MAP3K21: variants seen among roughly 807,000 people sequenced by gnomAD.
MAP3K21 encodes the protein mitogen-activated protein kinase kinase kinase MLK4.
MAP3K21 carries 63 observed loss-of-function variants against 86.1 expected under a neutral mutation model. The observed-to-expected ratio is 0.73, with a 90% CI of 0.60 to 0.90. The LOEUF (loss-of-function observed/expected upper bound fraction) is 0.90, where lower values mean the gene tolerates loss of function less well. Among genes scored for constraint, MAP3K21 ranks in the 40% least tolerant of loss-of-function variants. The probability of loss-of-function intolerance (pLI) is 0.00; values close to 1 mark genes in which losing one functional copy is unlikely to be tolerated. For synonymous variants in MAP3K21, 558 were observed against 564.8 expected, an observed-to-expected ratio of 0.99 and a Z score of 0.17; for missense variants, 1,220 against 1,367.7, an observed-to-expected ratio of 0.89 and a Z score of 1.70.
At chr1:233,371,335 G>A (rs908335956) in intron 5 of MAP3K21, among the ~76,000 whole-genome samples, 6 of 152,080 alleles carry the variant, frequency 3.9e-5, no homozygotes, top group Non-Finnish European at 7.4e-5. Flanking sequence ...TTAAATCCAG[G>A]GCCATTTCAA....
At chr1:233,337,342 G>T (rs543330233) in intron 1 of MAP3K21, among the ~76,000 whole-genome samples, 2 of 152,328 alleles carry the variant, frequency 1.3e-5, no homozygotes, top group East Asian at 1.9e-4. Flanking sequence ...ATATGTCAAA[G>T]AATTTAGTAA....
intron 4 of MAP3K21, among the ~76,000 whole-genome samples, chr1:233,358,781 C>A (rs1351952259): frequency 6.0e-5 from 9 of 150,740 alleles, no homozygotes; most frequent in Admixed American, 3.3e-4. Context: ...GGCGACAGAG[C>A]AAGACCCTGT....
At position 233,372,029 on chromosome 1, in the gene MAP3K21, C is replaced by T. The variant is rs1572255526; in HGVS notation, c.1553-9C>T. 1.9e-6 allele frequency: 3 copies of T among 1,601,842 alleles called. No individual in the cohort carries two copies. The highest frequency in any genetic ancestry group is 2.7e-5 in the African/African-American group (2 of 73,888). On this transcript the variant is annotated splice_polypyrimidine_tract_variant and intron_variant, in intron 5 of 9. Coordinates refer to ENST00000366624, the MANE Select transcript of MAP3K21 (RefSeq NM_032435.3). ...TGAAATACCAGTTCTCCCTTTTTGCCTCCAACAGATTTCCAGCACAAGATA... is the reference window on the plus strand; with the variant it reads ...TGAAATACCAGTTCTCCCTTTTTGCTTCCAACAGATTTCCAGCACAAGATA...
At chr1:233,339,316 C>T (rs1214106259) in intron 1 of MAP3K21, among the ~76,000 whole-genome samples, 945 of 81,348 alleles carry the variant, frequency 0.012, 158 homozygotes, top group East Asian at 0.024. Flanking sequence ...CTTCTTCTTC[C>T]TCTTCTTCTT....
rs146135091 is a variant in MAP3K21, at chr1:233,362,605, C to G, written c.1552+312C>G. Among the ~76,000 whole-genome samples the G allele has an allele frequency of 3.2e-4, 48 of 151,986 alleles. No individual in the cohort carries two copies. The East Asian group carries it at 9.3e-3, about 29-fold the overall frequency. On this transcript the variant is annotated intron_variant, in intron 5 of 9. Coordinates refer to ENST00000366624, the MANE Select transcript of MAP3K21 (RefSeq NM_032435.3). Reference sequence around the variant, plus strand: ...GAAGCAGAACCATTTTTTAGCTGAGCGTACTGAGCCAATGTCATGTGGCAT... The same window carrying G: ...GAAGCAGAACCATTTTTTAGCTGAGGGTACTGAGCCAATGTCATGTGGCAT...
At position 233,328,625 on chromosome 1, in the gene MAP3K21, G is replaced by T. The variant is rs780258104; in HGVS notation, c.597G>T (p.Val199=). The change falls in exon 1 of 10, where the codon GTG becomes GTT. Residue 199 remains valine (V), a synonymous_variant. Transcript: ENST00000366624. The surrounding 1 kb of genome is among the most constrained non-coding windows in gnomAD (Gnocchi z 8.7). Reference sequence around the variant, plus strand: ...TGCAGCAGCCGCACCTCTGCCTGGTGCTGGAGTTCGCCCGCGGCGGAGCGC... The same window carrying T: ...TGCAGCAGCCGCACCTCTGCCTGGTTCTGGAGTTCGCCCGCGGCGGAGCGC... ...VCLQQPHLCL[V]LEFARGGALN... 17 of 1,465,704 alleles carry T rather than the reference G, an allele frequency of 1.2e-5. No individual in the cohort carries two copies. The South Asian group carries it at 2.1e-4, about 18-fold the overall frequency. The allele number at this position is 1,465,704 out of a possible 1,614,324, so 90.8% of individuals were successfully genotyped here. A position where few individuals can be genotyped will look rare whatever the true frequency, so the allele number is the denominator to read the frequency against.
At chr1:233,358,934 C>G (rs1044279125) in intron 4 of MAP3K21, among the ~76,000 whole-genome samples, 4 of 152,060 alleles carry the variant, frequency 2.6e-5, no homozygotes, top group Admixed American at 2.6e-4. Context: ...CTCAGCCTCC[C>G]GAGTAGCTGG....
chr1:233,353,960 T>C lies in MAP3K21; in HGVS notation c.1135+5T>C, dbSNP rs949404201. 8.1e-7 allele frequency: 1 copy of C among 1,240,584 alleles called. No individual in the cohort carries two copies. The highest frequency in any genetic ancestry group is 1.1e-6 in the Non-Finnish European group (1 of 941,134). The allele number at this position is 1,240,584 out of a possible 1,614,324, so 76.8% of individuals were successfully genotyped here. On this transcript the variant is annotated splice_donor_5th_base_variant and intron_variant, in intron 3 of 9. Coordinates refer to ENST00000366624, the MANE Select transcript of MAP3K21 (RefSeq NM_032435.3). Reference sequence around the variant, plus strand: ...CGTTTGCCAAGCTCATGAAAGGTATTGTGTGTGTGTGTGTGTGTCTTTGTG... The same window carrying C: ...CGTTTGCCAAGCTCATGAAAGGTATCGTGTGTGTGTGTGTGTGTCTTTGTG...
chr1:233,361,051 T>C (rs903173178), intron 4 of MAP3K21, among the ~76,000 whole-genome samples: 3 of 152,252 alleles, frequency 2.0e-5, no homozygotes, highest in African/African-American at 7.2e-5. Context: ...GCTTGATTTC[T>C]TAGCAGAGTA....
chr1:233,363,650 C>T (rs1355311311), intron 5 of MAP3K21, among the ~76,000 whole-genome samples: 1 of 146,524 alleles, frequency 6.8e-6, no homozygotes, highest in African/African-American at 2.5e-5. Flanking sequence ...TGCAGTGACC[C>T]GAGATCACAC....
At chr1:233,346,781 A>C (rs1443118219) in intron 2 of MAP3K21, among the ~76,000 whole-genome samples, 159 bp downstream of exon 2, 3 of 152,236 alleles carry the variant, frequency 2.0e-5, no homozygotes, top group African/African-American at 7.2e-5. Flanking sequence ...AACGGAACAG[A>C]TAATTTGATG....
At chr1:233,337,796 AC>A (rs1662945654) in intron 1 of MAP3K21, among the ~76,000 whole-genome samples, 1 of 152,206 alleles carries the variant, frequency 6.6e-6, no homozygotes, top group Admixed American at 6.5e-5. Context: ...TTTCACTACC[AC>A]GGTTCATTAC....
In MAP3K21 at chr1:233,327,897, T is replaced by C. The variant is rs2102754202; in HGVS notation, c.-132T>C. On this transcript the variant is annotated 5_prime_UTR_variant, in exon 1 of 10. Transcript: ENST00000366624. ...GGCAGCTAGCCCGTGATCTCTGCCG[T>C]CACCGATCGCGATTCCTACCCCCTC... is the stretch of plus-strand genomic sequence containing the variant. 5 of 658,420 alleles carry C rather than the reference T, an allele frequency of 7.6e-6. No homozygotes were observed. Among genetic ancestry groups the C allele is most frequent in the African/African-American group, 5.7e-5 (3 of 52,488 alleles). 40.8% of individuals were successfully genotyped at this position (658,420 alleles called of 1,614,324 possible).
At chr1:233,331,916 C>A (rs1662813766) in intron 1 of MAP3K21, among the ~76,000 whole-genome samples, 1 of 152,154 alleles carries the variant, frequency 6.6e-6, no homozygotes, top group South Asian at 2.1e-4. Flanking sequence ...AAGCTTTAAG[C>A]AACATTTATG....
In MAP3K21 at chr1:233,328,691, G is replaced by A; in HGVS notation, c.663G>A (p.Pro221=). The part of the protein sequence containing the change: ...ALAAANAAPD[P]RAPGPRRARR... ...CCGCTGCCAACGCCGCCCCGGACCC[G>A]CGCGCGCCCGGCCCCCGCCGCGCGC... The change falls in exon 1 of 10, where the codon CCG becomes CCA. Residue 221 remains proline, a synonymous_variant. Transcript: ENST00000366624. This position sits in a 1 kb window ranked among gnomAD's most constrained non-coding sequence, Gnocchi z 8.7. 1 of 1,355,282 alleles carries A rather than the reference G, an allele frequency of 7.4e-7. No homozygotes were observed. Among genetic ancestry groups the A allele is most frequent in the Non-Finnish European group, 9.5e-7 (1 of 1,051,210 alleles). 84.0% of individuals were successfully genotyped at this position (1,355,282 alleles called of 1,614,324 possible).
chr1:233,364,897 G>A (rs1171699755), intron 5 of MAP3K21, among the ~76,000 whole-genome samples: 3 of 152,072 alleles, frequency 2.0e-5, no homozygotes, highest in South Asian at 2.1e-4. Context: ...CCACAAGATG[G>A]CACTACATTA....
intron 1 of MAP3K21, among the ~76,000 whole-genome samples, chr1:233,336,471 GTGGAGGT>G (rs1007911968): frequency 1.2e-4 from 18 of 151,902 alleles, no homozygotes; most frequent in Admixed American, 2.6e-4. Context: ...AATCAAGGAG[GTGGAGGT>G]TGTAGTGAGC....
chr1:233,353,797 T>A lies in MAP3K21; in HGVS notation c.987-10T>A. 1 of 1,565,170 alleles carries A rather than the reference T, an allele frequency of 6.4e-7. No homozygotes were observed. The highest frequency in any genetic ancestry group is 8.6e-7 in the Non-Finnish European group (1 of 1,158,960). The stretch of plus-strand genomic sequence containing the variant: ...TAGCCCATTGAGCATATGAAATCCT[T>A]GCTTTCTAGCTATGGAGTGCTGCTG... On this transcript the variant is annotated splice_polypyrimidine_tract_variant and intron_variant, in intron 2 of 9. Transcript: ENST00000366624.
In MAP3K21 at chr1:233,367,531, C is replaced by A. The variant is rs528601393; in HGVS notation, c.1553-4507C>A. The stretch of plus-strand genomic sequence containing the variant: ...AAATGTTTAGCTGGCACAGACTCAA[C>A]CTTTCCCTACTTCAAAGGGACAAGG... On this transcript the variant is annotated intron_variant, in intron 5 of 9. Coordinates refer to ENST00000366624, the MANE Select transcript of MAP3K21 (RefSeq NM_032435.3). 4.6e-5 allele frequency among the ~76,000 whole-genome samples: 7 copies of A among 152,254 alleles called. 1 individual carries two copies. In the East Asian group the frequency reaches 1.4e-3, roughly 30 times the overall value.
Sources: gnomAD v4.1 joint callset for allele counts (sites outside exome capture counted in the v4.1 genomes callset) on GRCh38, gnomAD v4.1.1 for gene constraint, Gnocchi (gnomAD v3.1) non-coding constraint, MANE v1.5 for transcripts, NCBI Gene and HGNC (gene_info 2026-07-23, HGNC 2026-07-21) for gene names.